TSHZ1: variants seen among roughly 807,000 people sequenced by gnomAD.
The protein encoded by TSHZ1 is teashirt zinc finger homeobox 1, also known as teashirt homolog 1.
A neutral mutation model predicts 67.1 loss-of-function variants in TSHZ1; 12 were observed. That is an observed-to-expected ratio of 0.18 (90% CI 0.11 to 0.29). The LOEUF (loss-of-function observed/expected upper bound fraction) is 0.29. TSHZ1 is among the 10% of genes least tolerant of loss of function. The pLI is 1.00. For synonymous variants in TSHZ1, 632 were observed against 622.4 expected (o/e 1.02, Z -0.23); for missense variants, 1,305 against 1,413.9 (o/e 0.92, Z 1.23).
At chr18:75,270,165 G>T (rs1459752923) in intron 1 of TSHZ1, among the ~76,000 whole-genome samples, 1 of 152,224 alleles carries the variant, frequency 6.6e-6, no homozygotes, top group Non-Finnish European at 1.5e-5. Flanking sequence ...ACCCCCGGCT[G>T]TGGGGTGGAC....
chr18:75,244,226 G>C (rs959280751), intron 1 of TSHZ1, among the ~76,000 whole-genome samples: 1 of 152,170 alleles, frequency 6.6e-6, no homozygotes, highest in African/African-American at 2.4e-5. Flanking sequence ...TTTGCTGTCG[G>C]TGGCCCTTCC....
chr18:75,264,529 G>A (rs535493250), intron 1 of TSHZ1, among the ~76,000 whole-genome samples: 46 of 151,342 alleles, frequency 3.0e-4, no homozygotes, highest in African/African-American at 1.1e-3. Flanking sequence ...AGAAGAAAGG[G>A]AAAGGGCTAT....
At chr18:75,256,153 A>C (rs1182655535) in intron 1 of TSHZ1, among the ~76,000 whole-genome samples, 1 of 152,240 alleles carries the variant, frequency 6.6e-6, no homozygotes, top group East Asian at 1.9e-4. Context: ...CTATGCAATC[A>C]TAAGGAGTAT....
intron 1 of TSHZ1, among the ~76,000 whole-genome samples, chr18:75,273,038 C>T (rs552639773): frequency 5.3e-5 from 8 of 152,250 alleles, no homozygotes; most frequent in African/African-American, 1.9e-4. Context: ...AGATGGGGTA[C>T]AGGGATGTTC....
intron 1 of TSHZ1, chr18:75,285,201 C>T: frequency 3.0e-6 from 1 of 329,460 alleles, no homozygotes; most frequent in Non-Finnish European, 5.4e-6. Flanking sequence ...GTCAAACTGA[C>T]ATCTTTGGGA....
At chr18:75,237,838 G>A (rs1000744441) in intron 1 of TSHZ1, among the ~76,000 whole-genome samples, 2 of 119,268 alleles carry the variant, frequency 1.7e-5, no homozygotes, top group African/African-American at 2.7e-5. Flanking sequence ...TTGAGACGGG[G>A]TTTCACTCTT....
At position 75,285,548 on chromosome 18, in the gene TSHZ1, CA is replaced by C. The variant is rs1207780018; in HGVS notation, c.143del (p.Asn48MetfsTer38). The C allele has an allele frequency of 6.3e-7, 1 of 1,580,612 alleles. No homozygotes were observed. The highest frequency in any genetic ancestry group is 1.7e-5 in the Admixed American group (1 of 58,134). ...LDIQESEYMC[N>X]EETEIKEAQS... ...ACATTCAGGAAAGTGAGTACATGTG[CA>C]ATGAAGAGACGGAGATCAAAGAGGC... is the stretch of plus-strand genomic sequence containing the variant. On this transcript the variant is annotated frameshift_variant, in exon 2 of 2. Transcript: ENST00000580243. LOFTEE classifies it high-confidence loss of function.
At chr18:75,260,362 T>C (rs965428901) in intron 1 of TSHZ1, among the ~76,000 whole-genome samples, 12 of 152,228 alleles carry the variant, frequency 7.9e-5, no homozygotes, top group African/African-American at 2.9e-4. Context: ...TTAAAATGGG[T>C]TGAAGGTTTC....
chr18:75,240,944 G>C (rs1440407870), intron 1 of TSHZ1, among the ~76,000 whole-genome samples: 2 of 152,170 alleles, frequency 1.3e-5, no homozygotes, highest in African/African-American at 4.8e-5. Context: ...TTTGTCATTT[G>C]TAAGTACGTG....
Position 75,211,903 on chromosome 18 carries a change from C to A in TSHZ1, c.27C>A (p.Pro9=). The change falls in exon 1 of 2, where the codon CCC becomes CCA. Residue 9 remains proline (P), a synonymous_variant. Coordinates refer to ENST00000580243, the MANE Select transcript of TSHZ1 (RefSeq NM_001308210.2). MPRRKQQA[P]RRSAAYVPEE... Reference sequence around the variant, plus strand: ...TGCCGAGGAGGAAGCAGCAGGCCCCCCGGCGCTCGGCAGGTAACGGGCGCG... The same window carrying A: ...TGCCGAGGAGGAAGCAGCAGGCCCCACGGCGCTCGGCAGGTAACGGGCGCG... The A allele has an allele frequency of 1.7e-6, 2 of 1,202,370 alleles. No individual in the cohort carries two copies. Among genetic ancestry groups the A allele is most frequent in the South Asian group, 8.3e-5 (2 of 24,110 alleles). The allele number at this position is 1,202,370 out of a possible 1,614,324, so 74.5% of individuals were successfully genotyped here.
At chr18:75,234,279 C>T (rs887871439) in intron 1 of TSHZ1, among the ~76,000 whole-genome samples, 2 of 152,140 alleles carry the variant, frequency 1.3e-5, no homozygotes, top group African/African-American at 4.8e-5. Flanking sequence ...TCCCTGCGGC[C>T]GCCCTGGGCC....
chr18:75,255,954 CTTAA>C lies in TSHZ1; in HGVS notation c.41-29491_41-29488del, dbSNP rs577570957. On this transcript the variant is annotated intron_variant, in intron 1 of 1. Transcript: ENST00000580243. ...TTACTTAATGAAGGTGAATTATTAA[CTTAA>C]TTTATTAGGAATTTAATTTCGGAGC... Among the ~76,000 whole-genome samples the C allele has an allele frequency of 3.5e-3, 540 of 152,250 alleles. 2 individuals carry two copies. The highest frequency in any genetic ancestry group is 0.027 in the Middle Eastern group (8 of 294).
chr18:75,217,550 T>C (rs1225761136), intron 1 of TSHZ1, among the ~76,000 whole-genome samples: 1 of 152,264 alleles, frequency 6.6e-6, no homozygotes, highest in African/African-American at 2.4e-5. Flanking sequence ...TGATATCTTC[T>C]GGTTTATCCT....
chr18:75,284,073 C>T (rs920841554), intron 1 of TSHZ1: 30 of 152,614 alleles, frequency 2.0e-4, no homozygotes, highest in African/African-American at 7.0e-4. Context: ...AACTGTAGTC[C>T]AGCTAGTTGT....
At chr18:75,260,335 C>G (rs547080095) in intron 1 of TSHZ1, among the ~76,000 whole-genome samples, 1 of 152,202 alleles carries the variant, frequency 6.6e-6, no homozygotes. Context: ...ATATTGCTTA[C>G]GGCATTTTGT....
chr18:75,230,472 G>A (rs1388834566), intron 1 of TSHZ1, among the ~76,000 whole-genome samples: 1 of 152,126 alleles, frequency 6.6e-6, no homozygotes, highest in African/African-American at 2.4e-5. Flanking sequence ...AATTTATCAC[G>A]GCACATTATG....
intron 1 of TSHZ1, among the ~76,000 whole-genome samples, chr18:75,242,862 C>A (rs2023173546): frequency 1.3e-5 from 2 of 152,216 alleles, no homozygotes; most frequent in African/African-American, 4.8e-5. Flanking sequence ...TTCCTAATAT[C>A]CGTGGGTCCT....
At chr18:75,223,480 T>C (rs1259535898) in intron 1 of TSHZ1, among the ~76,000 whole-genome samples, 1 of 152,152 alleles carries the variant, frequency 6.6e-6, no homozygotes, top group African/African-American at 2.4e-5. Context: ...AGGATCCCCT[T>C]CTGTTTTTCA....
At chr18:75,267,650 G>T (rs900014372) in intron 1 of TSHZ1, among the ~76,000 whole-genome samples, 2 of 152,210 alleles carry the variant, frequency 1.3e-5, no homozygotes, top group Non-Finnish European at 2.9e-5. Flanking sequence ...GTTTCTCACA[G>T]AAATGATGCT....
Sources: gnomAD v4.1 joint callset for allele counts (sites outside exome capture counted in the v4.1 genomes callset) on GRCh38, gnomAD v4.1.1 for gene constraint, MANE v1.5 for transcripts, NCBI Gene and HGNC (gene_info 2026-07-23, HGNC 2026-07-21) for gene names.